The following ROBO2 variants were observed in gnomAD, a reference collection of about 807,000 sequenced individuals.
ROBO2 encodes roundabout homolog 2.
In ROBO2, 53 loss-of-function variants were observed where a neutral mutation model predicts 160.8. The ratio of observed to expected loss-of-function variants is 0.33; its 90% CI spans 0.26 to 0.41. ROBO2 has a LOEUF of 0.41. ROBO2 is among the 10% of genes least tolerant of loss of function. ROBO2 has a pLI of 1.00. For missense variants in ROBO2, 1,577 were observed against 1,722.4 expected (o/e 0.92, Z 1.49); for synonymous variants, 664 against 611.7 (o/e 1.09, Z -1.26).
chr3:77,384,978 G>A lies in ROBO2; in HGVS notation c.389-92436G>A, dbSNP rs1442535285. On this transcript the variant is annotated intron_variant, in intron 2 of 25. Coordinates refer to ENST00000461745, the Ensembl canonical transcript of ROBO2. ...TGCAAAACAAAAACACTCTGGCTCT[G>A]TGGTTTACAATAAACTTCAAATATG... Among the ~76,000 whole-genome samples the A allele has an allele frequency of 1.2e-4, 19 of 152,268 alleles. No homozygotes were observed. The South Asian group carries it at 3.9e-3, about 32-fold the overall frequency.
chr3:76,599,342 G>GT (rs1459870271), intron 2 of ROBO2, among the ~76,000 whole-genome samples: 1 of 152,132 alleles, frequency 6.6e-6, no homozygotes, highest in Non-Finnish European at 1.5e-5. Flanking sequence ...TTCTGTTTCT[G>GT]TATCAGTTTG....
intron 2 of ROBO2, among the ~76,000 whole-genome samples, chr3:77,174,984 T>G (rs1222010613): frequency 2.0e-5 from 3 of 152,114 alleles, no homozygotes; most frequent in Non-Finnish European, 4.4e-5. Flanking sequence ...ATACGGTTTT[T>G]GTTTTTAAAG....
chr3:77,505,324 C>A (rs1451857611), intron 5 of ROBO2, among the ~76,000 whole-genome samples: 1 of 150,524 alleles, frequency 6.6e-6, no homozygotes, highest in Admixed American at 6.6e-5. Context: ...AGTGGTCATA[C>A]AAGAAAACCT....
intron 2 of ROBO2, among the ~76,000 whole-genome samples, chr3:76,802,727 C>CA (rs71104621): frequency 0.35 from 36,724 of 103,590 alleles, 5,668 homozygotes; most frequent in Non-Finnish European, 0.42. Context: ...GACTCCGTCT[C>CA]AAAAAAAAAA....
intron 2 of ROBO2, among the ~76,000 whole-genome samples, chr3:77,320,557 TAA>T (rs34906322): frequency 6.8e-6 from 1 of 146,916 alleles, no homozygotes; most frequent in Non-Finnish European, 1.5e-5. Context: ...TTCTAGCTCT[TAA>T]AAAAAAAAAG....
intron 6 of ROBO2, among the ~76,000 whole-genome samples, chr3:77,526,010 A>G (rs778436908): frequency 6.6e-6 from 1 of 151,424 alleles, no homozygotes; most frequent in South Asian, 2.1e-4. Flanking sequence ...TCTTTTTGAT[A>G]GTCAATCTTG....
chr3:76,739,521 C>G (rs541697084), intron 2 of ROBO2, among the ~76,000 whole-genome samples: 37 of 151,454 alleles, frequency 2.4e-4, no homozygotes, highest in African/African-American at 9.0e-4. Flanking sequence ...AGGAGATATA[C>G]CTAATGCTAG....
intron 2 of ROBO2, among the ~76,000 whole-genome samples, chr3:76,398,249 C>G (rs919826092): frequency 1.6e-4 from 24 of 150,154 alleles, no homozygotes; most frequent in Non-Finnish European, 2.9e-4. Context: ...ACTGCATGTT[C>G]TCACTCATAG....
chr3:76,681,575 A>C (rs1296253412), intron 2 of ROBO2, among the ~76,000 whole-genome samples: 2 of 152,174 alleles, frequency 1.3e-5, no homozygotes, highest in Non-Finnish European at 2.9e-5. Context: ...AAGCATTTAA[A>C]TTGCGACCTA....
At chr3:77,088,712 G>A (rs748458422) in intron 1 of ROBO2, among the ~76,000 whole-genome samples, 5 of 152,098 alleles carry the variant, frequency 3.3e-5, no homozygotes, top group Admixed American at 6.6e-5. Flanking sequence ...TCTAAGGTAC[G>A]TTTTCAGTCT....
chr3:76,074,751 C>T (rs758155112), intron 2 of ROBO2, among the ~76,000 whole-genome samples: 1 of 151,996 alleles, frequency 6.6e-6, no homozygotes, highest in Non-Finnish European at 1.5e-5. Context: ...AGGCAGATAG[C>T]CCACATATGC....
At chr3:75,981,289 T>G (rs1422862765) in intron 2 of ROBO2, among the ~76,000 whole-genome samples, 1 of 151,534 alleles carries the variant, frequency 6.6e-6, no homozygotes, top group Non-Finnish European at 1.5e-5. Context: ...ATTTAACTAT[T>G]CAGTTTCCCA....
intron 2 of ROBO2, among the ~76,000 whole-genome samples, chr3:77,116,301 T>C (rs2074190694): frequency 6.6e-6 from 1 of 152,232 alleles, no homozygotes; most frequent in Non-Finnish European, 1.5e-5. Flanking sequence ...CTAAAGCTTT[T>C]ATCTCATTAA....
chr3:76,380,691 G>A (rs900636346), intron 2 of ROBO2, among the ~76,000 whole-genome samples: 3 of 152,026 alleles, frequency 2.0e-5, no homozygotes, highest in Non-Finnish European at 4.4e-5. Context: ...AGGGCTATTA[G>A]TACTTGAGTT....
chr3:76,608,449 C>T (rs2087826854), intron 2 of ROBO2, among the ~76,000 whole-genome samples: 1 of 152,182 alleles, frequency 6.6e-6, no homozygotes, highest in Non-Finnish European at 1.5e-5. Context: ...TCGCCATACA[C>T]TCTTGGCCCA....
intron 2 of ROBO2, among the ~76,000 whole-genome samples, chr3:77,420,088 A>C (rs1466040510): frequency 6.6e-6 from 1 of 152,140 alleles, no homozygotes; most frequent in African/African-American, 2.4e-5. Flanking sequence ...CATTCCCCCC[A>C]ACATTAAAAA....
intron 2 of ROBO2, among the ~76,000 whole-genome samples, chr3:77,213,557 G>GT (rs1365956907): frequency 6.6e-6 from 1 of 152,010 alleles, no homozygotes; most frequent in South Asian, 2.1e-4. Context: ...TTTTTGAAGG[G>GT]TTTTTTGTGT....
chr3:76,662,499 C>G (rs920411587), intron 2 of ROBO2, among the ~76,000 whole-genome samples: 4 of 151,012 alleles, frequency 2.6e-5, no homozygotes, highest in African/African-American at 9.7e-5. Flanking sequence ...AGATATGTTT[C>G]TCACTCTTGA....
intron 2 of ROBO2, among the ~76,000 whole-genome samples, chr3:76,158,711 C>T (rs1037972450): frequency 2.6e-5 from 4 of 152,050 alleles, no homozygotes; most frequent in Non-Finnish European, 5.9e-5. Flanking sequence ...GTCCCGCTTC[C>T]TTTCTGGAAG....
Sources: allele counts gnomAD v4.1 joint callset (sites outside exome capture counted in the v4.1 genomes callset), GRCh38; gene constraint gnomAD v4.1.1; transcripts MANE v1.5; gene names NCBI Gene and HGNC (gene_info 2026-07-23, HGNC 2026-07-21).